Variants in CCDC146 observed in about 807,000 individuals in gnomAD.
CCDC146 encodes coiled-coil domain containing 146, also known as coiled-coil domain-containing protein 146.
A neutral mutation model predicts 119.3 loss-of-function variants in CCDC146; 92 were observed. The ratio of observed to expected loss-of-function variants is 0.77; its 90% CI spans 0.65 to 0.92. The LOEUF is 0.92. Ranked by LOEUF, CCDC146 falls within the 40% of genes least tolerant of loss-of-function variation. The probability of loss-of-function intolerance (pLI) is 0.00; values close to 1 mark genes in which losing one functional copy is unlikely to be tolerated. For missense variants in CCDC146, 1,000 were observed against 1,103.0 expected (o/e 0.91, Z 1.32); for synonymous variants, 372 against 371.8 (o/e 1.00, Z -0.01).
intron 16 of CCDC146, 186 bp from the exon 17 acceptor site, chr7:77,287,254 G>C (rs951849771): frequency 1.6e-6 from 1 of 620,254 alleles, no homozygotes; most frequent in African/African-American, 1.9e-5. Flanking sequence ...ATAGAGCTGA[G>C]GGGGCCATAC....
intron 2 of CCDC146, among the ~76,000 whole-genome samples, chr7:77,223,243 G>T (rs974942015): frequency 2.0e-5 from 3 of 152,220 alleles, no homozygotes; most frequent in African/African-American, 7.2e-5. Flanking sequence ...ACAAATGTGG[G>T]TGACTTAAAG....
chr7:77,155,777 G>C (rs2117454942), intron 1 of CCDC146, among the ~76,000 whole-genome samples: 1 of 152,188 alleles, frequency 6.6e-6, no homozygotes, highest in Admixed American at 6.5e-5. Context: ...TGCTGACAAG[G>C]GCAACCTGGA....
At chr7:77,212,256 TGAA>T (rs754316621) in intron 2 of CCDC146, among the ~76,000 whole-genome samples, 2 of 152,238 alleles carry the variant, frequency 1.3e-5, no homozygotes, top group East Asian at 3.9e-4. Context: ...CAATACATAT[TGAA>T]GAAAAATATA....
intron 7 of CCDC146, 72 bp downstream of exon 7, chr7:77,259,140 A>C: frequency 7.9e-6 from 7 of 890,538 alleles, no homozygotes; most frequent in Non-Finnish European, 1.3e-5. Context: ...CAAGAGTACT[A>C]ACCATTGGAC....
intron 14 of CCDC146, among the ~76,000 whole-genome samples, chr7:77,281,576 C>A (rs553927475): frequency 1.9e-4 from 29 of 152,186 alleles, no homozygotes; most frequent in African/African-American, 6.7e-4. Flanking sequence ...GAGTGCTAGA[C>A]CTTGAGAGTA....
intron 2 of CCDC146, among the ~76,000 whole-genome samples, chr7:77,180,709 C>T (rs1365250445): frequency 6.6e-6 from 1 of 152,054 alleles, no homozygotes; most frequent in Non-Finnish European, 1.5e-5. Context: ...AAAAAGATCC[C>T]TCCTTTAAAA....
chr7:77,278,880 G>A, intron 12 of CCDC146, 40 bp downstream of exon 12: 3 of 1,593,844 alleles, frequency 1.9e-6, no homozygotes, highest in Non-Finnish European at 2.6e-6. Flanking sequence ...GTAGGTGAGG[G>A]GAAAAAAACC....
chr7:77,137,867 G>A (rs1790880678), intron 1 of CCDC146, among the ~76,000 whole-genome samples: 1 of 150,442 alleles, frequency 6.6e-6, no homozygotes, highest in South Asian at 2.1e-4. Context: ...TCAAATATAT[G>A]TAGGTTCTGT....
chr7:77,284,022 C>T (rs1391325413), intron 15 of CCDC146, among the ~76,000 whole-genome samples: 2 of 152,160 alleles, frequency 1.3e-5, no homozygotes, highest in African/African-American at 4.8e-5. Flanking sequence ...GTGGCTCTGA[C>T]TCCTGCTTCC....
intron 10 of CCDC146, 41 bp downstream of exon 10, chr7:77,273,830 T>G (rs761119649): frequency 1.5e-6 from 2 of 1,343,562 alleles, no homozygotes; most frequent in African/African-American, 2.9e-5. Flanking sequence ...CTAAGAAGCG[T>G]TCATACAAAG....
At chr7:77,287,145 A>C (rs6949841) in intron 16 of CCDC146, 283,786 of 621,912 alleles carry the variant, frequency 0.46, 70,062 homozygotes, top group African/African-American at 0.74. Flanking sequence ...CCAAAGGCAC[A>C]TTTCTCTCAT....
rs1791918679 is a variant in CCDC146, at chr7:77,198,500, T to G, written c.156+30676T>G. On this transcript the variant is annotated intron_variant, in intron 2 of 18. Coordinates refer to ENST00000285871, the MANE Select transcript of CCDC146 (RefSeq NM_020879.3). ...TATTTATTAAAGTTAATTCAAGTAA[T>G]TTGGATGGTGAGGATGGGTTCTACT... The G allele has an allele frequency of 1.8e-5, 3 of 163,382 alleles. No individual in the cohort carries two copies. In the Admixed American group the frequency reaches 2.0e-4, roughly 11 times the overall value. 10.1% of individuals were successfully genotyped at this position (163,382 alleles called of 1,614,324 possible). A position where few individuals can be genotyped will look rare whatever the true frequency, so the allele number is the denominator to read the frequency against.
At position 77,196,297 on chromosome 7, in the gene CCDC146, G is replaced by A. The variant is rs780134047; in HGVS notation, c.156+28473G>A. 5.0e-6 allele frequency: 8 copies of A among 1,613,424 alleles called. No individual in the cohort carries two copies. The Admixed American group carries it at 1.3e-4, about 27-fold the overall frequency. On this transcript the variant is annotated intron_variant, in intron 2 of 18. Coordinates refer to ENST00000285871, the MANE Select transcript of CCDC146 (RefSeq NM_020879.3). The surrounding 1 kb of genome is among the most constrained non-coding windows in gnomAD (Gnocchi z 4.2). ...GAGTGATTTATGGCTTAAAGTGCTT[G>A]GGTCTGATCATCATCTTAGCCTCTT...
chr7:77,248,228 C>G (rs1057514268), intron 4 of CCDC146, among the ~76,000 whole-genome samples: 5 of 152,070 alleles, frequency 3.3e-5, no homozygotes, highest in Non-Finnish European at 7.4e-5. Context: ...AATGTGTACA[C>G]GTGGACGTAG....
intron 2 of CCDC146, among the ~76,000 whole-genome samples, chr7:77,218,393 T>G (rs1478894086): frequency 6.6e-6 from 1 of 151,872 alleles, no homozygotes; most frequent in Admixed American, 6.6e-5. Context: ...CCCATAAATA[T>G]ATCATGAGTG....
chr7:77,258,959 A>G (rs576599462), intron 6 of CCDC146, 36 bp from the exon 7 acceptor site: 18 of 1,409,890 alleles, frequency 1.3e-5, no homozygotes, highest in African/African-American at 2.8e-5. Context: ...CTAGCCGAAG[A>G]CCGCATAATT....
chr7:77,201,234 G>A (rs1176860535), intron 2 of CCDC146, among the ~76,000 whole-genome samples: 1 of 152,134 alleles, frequency 6.6e-6, no homozygotes, highest in African/African-American at 2.4e-5. Context: ...ATACAGGAAT[G>A]ATAGTCATGC....
chr7:77,265,420 T>A (rs1793381812), intron 9 of CCDC146, among the ~76,000 whole-genome samples: 1 of 152,252 alleles, frequency 6.6e-6, no homozygotes, highest in Non-Finnish European at 1.5e-5. Flanking sequence ...ATGCTTCTAA[T>A]GCTGAATCAT....
At chr7:77,221,453 A>C (rs183948457) in intron 2 of CCDC146, among the ~76,000 whole-genome samples, 1 of 152,280 alleles carries the variant, frequency 6.6e-6, no homozygotes, top group African/African-American at 2.4e-5. Flanking sequence ...ACATATACAC[A>C]CTGTTTAATC....
Sources: allele counts gnomAD v4.1 joint callset (sites outside exome capture counted in the v4.1 genomes callset), GRCh38; gene constraint gnomAD v4.1.1; non-coding constraint Gnocchi (gnomAD v3.1); transcripts MANE v1.5; gene names NCBI Gene and HGNC (gene_info 2026-07-23, HGNC 2026-07-21).